The following CCDC82 variants were observed in gnomAD, a reference collection of about 807,000 sequenced individuals.
CCDC82 encodes the protein coiled-coil domain containing 82.
In CCDC82, 47 loss-of-function variants were observed where a neutral mutation model predicts 60.6. The observed-to-expected ratio is 0.77, with a 90% CI of 0.61 to 0.99. CCDC82 has a LOEUF of 0.99. Ranked by LOEUF, CCDC82 falls within the 50% of genes least tolerant of loss-of-function variation. The probability of loss-of-function intolerance (pLI) is 0.00; values close to 1 mark genes in which losing one functional copy is unlikely to be tolerated. For missense variants in CCDC82, 588 were observed against 633.0 expected, an observed-to-expected ratio of 0.93 and a Z score of 0.76; for synonymous variants, 212 against 207.4, an observed-to-expected ratio of 1.02 and a Z score of -0.19.
chr11:96,384,154 G>C lies in CCDC82; in HGVS notation c.594C>G (p.Ser198Arg), dbSNP rs770315262. 6.2e-7 allele frequency: 1 copy of C among 1,613,712 alleles called. No individual in the cohort carries two copies. Among genetic ancestry groups the C allele is most frequent in the Non-Finnish European group, 8.5e-7 (1 of 1,179,778 alleles). ...VMCDSDESDD[S>R]DILVRKVGVK... is the part of the protein sequence containing the mutation. ...CACCTACTTTTCTAACTAGGATATC[G>C]CTGTCATCACTCTCATCACTGTCAC... The change falls in exon 4 of 10, where the codon AGC becomes AGG. Residue 198 changes from serine to arginine, a missense_variant. Physicochemically the swap from Ser to Arg is moderately radical, Grantham distance 110 (BLOSUM62 -1). Transcript: ENST00000646818.
chr11:96,357,695 A>C (rs565729275), intron 9 of CCDC82: 8 of 985,076 alleles, frequency 8.1e-6, no homozygotes, highest in Middle Eastern at 5.2e-4. Context: ...TGCTATCCCA[A>C]TAGGTTTTGC....
intron 7 of CCDC82, among the ~76,000 whole-genome samples, chr11:96,368,923 A>T (rs570359854): frequency 3.9e-4 from 60 of 152,148 alleles, no homozygotes; most frequent in African/African-American, 1.4e-3. Flanking sequence ...CTCTGAAAAA[A>T]TCTGTTGTTT....
At position 96,358,565 on chromosome 11, in the gene CCDC82, C is replaced by T. The variant is rs1432930822; in HGVS notation, c.1566+428G>A. 5.7e-6 allele frequency: 7 copies of T among 1,235,410 alleles called. No homozygotes were observed. The East Asian group carries it at 1.3e-4, about 22-fold the overall frequency. 76.5% of individuals were successfully genotyped at this position (1,235,410 alleles called of 1,614,324 possible). On this transcript the variant is annotated intron_variant, in intron 9 of 9. Transcript: ENST00000646818. ...GTGTATTAGAACTGGCAGCCGAGAT[C>T]CTTTCCTCAGACTGGCACCAGGTGC...
Position 96,362,684 on chromosome 11 carries a change from T to C in CCDC82, c.1380+2296A>G, listed in dbSNP as rs186583732. 6.7e-3 allele frequency among the ~76,000 whole-genome samples: 1,020 copies of C among 152,278 alleles called. 8 individuals carry two copies. Among genetic ancestry groups the C allele is most frequent in the Non-Finnish European group, 9.9e-3 (674 of 68,000 alleles). On this transcript the variant is annotated intron_variant, in intron 8 of 9. Coordinates refer to ENST00000646818, the MANE Select transcript of CCDC82 (RefSeq NM_024725.4). ...GGTGGTCCAAGGCCTCTCGTCTCAGTACCCTATCAATACTGCTGTAACCAA... is the reference window on the plus strand; with the variant it reads ...GGTGGTCCAAGGCCTCTCGTCTCAGCACCCTATCAATACTGCTGTAACCAA...
In CCDC82 at chr11:96,356,393, T is replaced by G. The variant is rs549931676; in HGVS notation, c.1566+2600A>C. 2.0e-5 allele frequency: 19 copies of G among 961,744 alleles called. 1 individual carries two copies. In the South Asian group the frequency reaches 8.2e-4, roughly 41 times the overall value. 59.6% of individuals were successfully genotyped at this position (961,744 alleles called of 1,614,324 possible). A position where few individuals can be genotyped will look rare whatever the true frequency, so the allele number is the denominator to read the frequency against. On this transcript the variant is annotated intron_variant, in intron 9 of 9. Coordinates refer to ENST00000646818, the MANE Select transcript of CCDC82 (RefSeq NM_024725.4). ...AGTGCATTTAAAATTTACATACAACTGTCACTTGTAACAGTTTTACACACA... is the reference window on the plus strand; with the variant it reads ...AGTGCATTTAAAATTTACATACAACGGTCACTTGTAACAGTTTTACACACA...
intron 5 of CCDC82, among the ~76,000 whole-genome samples, chr11:96,379,140 G>A (rs1006794712): frequency 6.6e-6 from 1 of 151,850 alleles, no homozygotes; most frequent in African/African-American, 2.4e-5. Flanking sequence ...CTTAACCCAA[G>A]TCGTAGAGTG....
intron 5 of CCDC82, chr11:96,382,833 T>C (rs1865950692): frequency 6.5e-6 from 1 of 153,752 alleles, no homozygotes; most frequent in African/African-American, 2.4e-5. Flanking sequence ...AAAGCAGATA[T>C]AAGAATCTAG....
intron 9 of CCDC82, chr11:96,358,050 G>T: frequency 3.0e-6 from 3 of 985,360 alleles, no homozygotes; most frequent in Non-Finnish European, 3.6e-6. Flanking sequence ...AATATGACAT[G>T]TGCTAAAAAA....
At chr11:96,384,987 G>C (rs1263185551) in intron 3 of CCDC82, 1 of 365,942 alleles carries the variant, frequency 2.7e-6, no homozygotes, top group Non-Finnish European at 4.9e-6. Context: ...TGTATGTTGT[G>C]CTGCAAGGGA....
chr11:96,384,120 G>A lies in CCDC82; in HGVS notation c.628C>T (p.Pro210Ser), dbSNP rs1371082200. ...ILVRKVGVKR[P>S]RRVVEDEGSS... is the part of the protein sequence containing the mutation. Reference sequence around the variant, plus strand: ...CCTTCATCTTCAACCACTCTACGGGGACGTTTAACACCTACTTTTCTAACT... The same window carrying A: ...CCTTCATCTTCAACCACTCTACGGGAACGTTTAACACCTACTTTTCTAACT... The change falls in exon 4 of 10, where the codon CCC (proline) becomes TCC (serine). Residue 210 changes from proline (P) to serine (S), a missense_variant. By Grantham distance (74) the Pro-to-Ser change is moderately conservative. Coordinates refer to ENST00000646818, the MANE Select transcript of CCDC82 (RefSeq NM_024725.4). 6 of 1,613,660 alleles carry A rather than the reference G, an allele frequency of 3.7e-6. No individual in the cohort carries two copies. Among genetic ancestry groups the A allele is most frequent in the Non-Finnish European group, 4.2e-6 (5 of 1,179,744 alleles).
At chr11:96,362,538 C>T (rs1864718905) in intron 8 of CCDC82, among the ~76,000 whole-genome samples, 1 of 152,158 alleles carries the variant, frequency 6.6e-6, no homozygotes, top group Non-Finnish European at 1.5e-5. Context: ...AGACTCTGGG[C>T]AAAACTAAAC....
At chr11:96,357,682 C>G in intron 9 of CCDC82, 1 of 985,026 alleles carries the variant, frequency 1.0e-6, no homozygotes, top group Non-Finnish European at 1.2e-6. Flanking sequence ...TTCTTTATAA[C>G]TGTGCTATCC....
At chr11:96,379,452 ATCTATAGGAACTTAAC>A (rs1865755971) in intron 5 of CCDC82, among the ~76,000 whole-genome samples, 1 of 151,638 alleles carries the variant, frequency 6.6e-6, no homozygotes, top group Non-Finnish European at 1.5e-5. Flanking sequence ...TATCTTAATC[ATCTATAGGAACTTAAC>A]AATGAGTTCC....
intron 5 of CCDC82, chr11:96,381,786 T>G (rs1350772745): frequency 6.6e-6 from 1 of 151,810 alleles, no homozygotes; most frequent in Admixed American, 6.6e-5. Context: ...CCAAGTCCAT[T>G]TAAGGAAATC....
intron 5 of CCDC82, chr11:96,381,198 ATC>A (rs1345614476): frequency 1.3e-5 from 2 of 151,730 alleles, no homozygotes; most frequent in East Asian, 1.9e-4. Flanking sequence ...ATGAGTTGGC[ATC>A]TCTCAGCAAA....
chr11:96,355,689 G>C (rs1161693813), intron 9 of CCDC82: 1 of 151,990 alleles, frequency 6.6e-6, no homozygotes, highest in Non-Finnish European at 1.5e-5. Flanking sequence ...GTGTGGCTAG[G>C]ATGCAGCTTT....
At chr11:96,359,677 A>T (rs2136072173) in intron 8 of CCDC82, among the ~76,000 whole-genome samples, 1 of 149,026 alleles carries the variant, frequency 6.7e-6, no homozygotes, top group South Asian at 2.1e-4. Context: ...CATGAAAAGT[A>T]TGATAAGTCC....
chr11:96,366,172 C>T (rs1180430099), intron 7 of CCDC82, among the ~76,000 whole-genome samples: 4 of 152,196 alleles, frequency 2.6e-5, no homozygotes, highest in African/African-American at 9.7e-5. Flanking sequence ...TCTATCAGCT[C>T]AGTTCCCTGA....
intron 9 of CCDC82, chr11:96,354,936 G>A (rs182198325): frequency 1.3e-5 from 2 of 152,202 alleles, no homozygotes; most frequent in Admixed American, 1.3e-4. Context: ...GTTGAGAAGT[G>A]CATTTTCCTT....
Sources: gnomAD v4.1 joint callset for allele counts (sites outside exome capture counted in the v4.1 genomes callset) on GRCh38, gnomAD v4.1.1 for gene constraint, MANE v1.5 for transcripts, NCBI Gene and HGNC (gene_info 2026-07-23, HGNC 2026-07-21) for gene names.